Variants in MT4 observed in about 807,000 individuals in gnomAD.
The protein encoded by MT4 is metallothionein-4.
MT4 carries 11 observed loss-of-function variants against 9.5 expected under a neutral mutation model. The observed-to-expected ratio is 1.16, with a 90% CI of 0.73 to 1.92. The LOEUF is 1.92. Among genes scored for constraint, MT4 ranks in the 30% most tolerant of loss-of-function variants. The probability of loss-of-function intolerance (pLI) is 0.00; values close to 1 mark genes in which losing one functional copy is unlikely to be tolerated. For missense variants in MT4, 88 were observed against 78.7 expected, an observed-to-expected ratio of 1.12 and a Z score of -0.45; for synonymous variants, 29 against 24.6, an observed-to-expected ratio of 1.18 and a Z score of -0.53.
chr16:56,568,271 G>GAGAGAGAGAGAGAA (rs1567330643), intron 2 of MT4, among the ~76,000 whole-genome samples: 13 of 58,650 alleles, frequency 2.2e-4, no homozygotes, highest in Non-Finnish European at 3.3e-4. Context: ...GAGAGAGAGA[G>GAGAGAGAGAGAGAA]AGAAAGAAAG....
At chr16:56,568,255 GAA>G (rs572556570) in intron 2 of MT4, among the ~76,000 whole-genome samples, 910 of 47,290 alleles carry the variant, frequency 0.019, 50 homozygotes, top group African/African-American at 0.071. Context: ...AAGAAAGAAA[GAA>G]AGAGAGAGAG....
chr16:56,567,797 C>T lies in MT4; in HGVS notation c.78C>T (p.Asn26=), dbSNP rs182459606. ...ACAACTGCAAATGCACAACCTGCAA[C>T]TGTAAAACATATTGGAAGAGTGAGT... ...CGDNCKCTTC[N]CKTYWKSCCP... is the part of the protein sequence containing the mutation. The change falls in exon 2 of 3, where the codon AAC becomes AAT. Residue 26 remains asparagine (N), a synonymous_variant. Coordinates refer to ENST00000219162, the MANE Select transcript of MT4 (RefSeq NM_032935.3). 44 of 1,613,346 alleles carry T rather than the reference C, an allele frequency of 2.7e-5. No individual in the cohort carries two copies. The highest frequency in any genetic ancestry group is 1.7e-4 in the Admixed American group (10 of 60,006).
rs1214705325 is a variant in MT4, at chr16:56,568,017, G to A, written c.97+201G>A. ...AAAATACAATAATTAGCTGGGCATG[G>A]TGGTGGGCACCTGTAATCCCAGCTA... is the stretch of plus-strand genomic sequence containing the variant. On this transcript the variant is annotated intron_variant, in intron 2 of 2. Transcript: ENST00000219162. Among the ~76,000 whole-genome samples the A allele has an allele frequency of 3.3e-5, 5 of 151,886 alleles. No homozygotes were observed. In the East Asian group the frequency reaches 7.7e-4, roughly 24 times the overall value.
rs373526086 is a variant in MT4 at position 56,567,798 on chromosome 16, T to G, written c.79T>G (p.Cys27Gly). Residue 27 changes from cysteine (C) to glycine (G), a missense_variant, in exon 2 of 3, where the codon TGT becomes GGT. Cys to Gly is a radical substitution (Grantham distance 159). Coordinates refer to ENST00000219162, the MANE Select transcript of MT4 (RefSeq NM_032935.3). ...CAACTGCAAATGCACAACCTGCAAC[T>G]GTAAAACATATTGGAAGAGTGAGTA... The part of the protein sequence containing the change: ...GDNCKCTTCN[C>G]KTYWKSCCPC... The G allele has an allele frequency of 1.2e-6, 2 of 1,613,338 alleles. No individual in the cohort carries two copies. The highest frequency in any genetic ancestry group is 8.5e-7 in the Non-Finnish European group (1 of 1,179,414).
intron 1 of MT4, among the ~76,000 whole-genome samples, chr16:56,566,803 AAAGAAAGAAAGAAAGAAAAG>A (rs1301718327): frequency 8.2e-4 from 38 of 46,338 alleles, no homozygotes; most frequent in South Asian, 1.9e-3. Context: ...AGAAAGAAAG[AAAGAAAGAAAGAAAGAAAAG>A]AAAGAAAGAA....
intron 1 of MT4, among the ~76,000 whole-genome samples, chr16:56,566,823 G>GAAAGAAAGA (rs1959540172): frequency 3.7e-5 from 3 of 80,094 alleles, no homozygotes; most frequent in East Asian, 3.7e-4. Context: ...AGAAAGAAAA[G>GAAAGAAAGA]AAAGAAAGAA....
At chr16:56,565,356 A>G (rs1198876562) in intron 1 of MT4, among the ~76,000 whole-genome samples, 197 bp downstream of exon 1, 5 of 152,180 alleles carry the variant, frequency 3.3e-5, no homozygotes, top group Non-Finnish European at 7.3e-5. Context: ...ATTTTCTAGA[A>G]TCGATATCCT....
intron 2 of MT4, among the ~76,000 whole-genome samples, chr16:56,568,297 G>GAAA (rs1184215750): frequency 1.6e-4 from 24 of 145,790 alleles, no homozygotes; most frequent in Non-Finnish European, 3.2e-4. Flanking sequence ...AAGAAAGAAA[G>GAAA]AAAGAAAGAA....
At chr16:56,568,275 A>AG (rs1410311513) in intron 2 of MT4, among the ~76,000 whole-genome samples, 7 of 93,520 alleles carry the variant, frequency 7.5e-5, no homozygotes, top group East Asian at 6.3e-4. Context: ...GAGAGAGAGA[A>AG]AGAAAGAAAG....
intron 2 of MT4, among the ~76,000 whole-genome samples, chr16:56,568,295 A>T (rs1024278503): frequency 6.9e-6 from 1 of 143,892 alleles, no homozygotes; most frequent in Non-Finnish European, 1.5e-5. Context: ...GAAAGAAAGA[A>T]AGAAAGAAAG....
In MT4 at chr16:56,567,805, CA is replaced by C; in HGVS notation, c.87del (p.Tyr30IlefsTer?). 6.2e-7 allele frequency: 1 copy of C among 1,613,048 alleles called. No individual in the cohort carries two copies. The highest frequency in any genetic ancestry group is 8.5e-7 in the Non-Finnish European group (1 of 1,179,198). Reference protein sequence around the residue: ...NCKCTTCNCKTYWKSCCPCCP... With the variant: ...NCKCTTCNCKXYWKSCCPCCP... ...AAATGCACAACCTGCAACTGTAAAA[CA>C]TATTGGAAGAGTGAGTATGGTGACT... On this transcript the variant is annotated frameshift_variant, in exon 2 of 3. Coordinates refer to ENST00000219162, the MANE Select transcript of MT4 (RefSeq NM_032935.3). LOFTEE classifies it high-confidence loss of function.
chr16:56,566,722 GAAAGAAAGAAAGAAA>G (rs1959526096), intron 1 of MT4, among the ~76,000 whole-genome samples: 71 of 48,550 alleles, frequency 1.5e-3, no homozygotes, highest in East Asian at 7.7e-3. Context: ...AAGAAAGAAA[GAAAGAAAGAAAGAAA>G]GAAAGAAAGA....
chr16:56,568,213 GAGAAAGAAAGAA>G lies in MT4; in HGVS notation c.97+433_97+444del, dbSNP rs796608259. On this transcript the variant is annotated intron_variant, in intron 2 of 2. Coordinates refer to ENST00000219162, the MANE Select transcript of MT4 (RefSeq NM_032935.3). ...GAAGGAAGGAAGAGAGAGAGAGAGA[GAGAAAGAAAGAA>G]AGAAAGAAAGAAAGAAAGAAAGAAA... Among the ~76,000 whole-genome samples, 8 of 44,346 alleles carry G rather than the reference GAGAAAGAAAGAA, an allele frequency of 1.8e-4. No individual in the cohort carries two copies. In the East Asian group the frequency reaches 2.3e-3, roughly 13 times the overall value. 29.1% of individuals were successfully genotyped at this position (44,346 alleles called of 152,430 possible).
chr16:56,568,403 G>A (rs1312726095), intron 2 of MT4, among the ~76,000 whole-genome samples: 1 of 152,012 alleles, frequency 6.6e-6, no homozygotes, highest in African/African-American at 2.4e-5. Flanking sequence ...GGGTCTAGAT[G>A]CCTTTTACCC....
chr16:56,568,267 G>GAAAGAAAGA (rs1567330627), intron 2 of MT4, among the ~76,000 whole-genome samples: 5 of 68,504 alleles, frequency 7.3e-5, no homozygotes, highest in Admixed American at 1.5e-4. Flanking sequence ...AAGAGAGAGA[G>GAAAGAAAGA]AGAGAGAAAG....
At chr16:56,565,913 A>T (rs1959512010) in intron 1 of MT4, among the ~76,000 whole-genome samples, 1 of 151,792 alleles carries the variant, frequency 6.6e-6, no homozygotes, top group South Asian at 2.1e-4. Context: ...ATTTTTTTTA[A>T]ACTTAGCTGG....
intron 2 of MT4, among the ~76,000 whole-genome samples, chr16:56,568,257 A>AG (rs1567330602): frequency 2.3e-4 from 19 of 83,286 alleles, no homozygotes; most frequent in East Asian, 1.1e-3. Flanking sequence ...GAAAGAAAGA[A>AG]AGAGAGAGAG....
chr16:56,568,791 G>C, intron 2 of MT4, 50 bp from the exon 3 acceptor site: 1 of 1,315,978 alleles, frequency 7.6e-7, no homozygotes. Flanking sequence ...GCAGTGGTGA[G>C]ATGGAAGTGT....
At chr16:56,568,213 GAGAAAGAA>G (rs796608259) in intron 2 of MT4, among the ~76,000 whole-genome samples, 16 of 44,338 alleles carry the variant, frequency 3.6e-4, no homozygotes, top group African/African-American at 1.3e-3. Context: ...GAGAGAGAGA[GAGAAAGAA>G]AGAAAGAAAG....
Sources: allele counts gnomAD v4.1 joint callset (sites outside exome capture counted in the v4.1 genomes callset), GRCh38; gene constraint gnomAD v4.1.1; transcripts MANE v1.5; gene names NCBI Gene and HGNC (gene_info 2026-07-23, HGNC 2026-07-21).